Variants in CCDC170 observed in about 807,000 individuals in gnomAD.
The protein encoded by CCDC170 is coiled-coil domain-containing protein 170.
CCDC170 carries 69 observed loss-of-function variants against 72.6 expected under a neutral mutation model. That is an observed-to-expected ratio of 0.95 (90% CI 0.78 to 1.16). The LOEUF (loss-of-function observed/expected upper bound fraction) is 1.16, where lower values mean the gene tolerates loss of function less well. Among genes scored for constraint, CCDC170 ranks in the 50% most tolerant of loss-of-function variants. The probability of loss-of-function intolerance (pLI) is 0.00; values close to 1 mark genes in which losing one functional copy is unlikely to be tolerated. For synonymous variants in CCDC170, 300 were observed against 303.9 expected, an observed-to-expected ratio of 0.99 and a Z score of 0.13; for missense variants, 852 against 832.5, an observed-to-expected ratio of 1.02 and a Z score of -0.29.
chr6:151,502,139 AC>A (rs1233972912), intron 1 of CCDC170, among the ~76,000 whole-genome samples: 1 of 152,160 alleles, frequency 6.6e-6, no homozygotes, highest in African/African-American at 2.4e-5. Context: ...AGGCATGGTG[AC>A]CCATACCTGT....
chr6:151,535,046 G>A (rs1782554622), intron 1 of CCDC170, among the ~76,000 whole-genome samples: 1 of 152,202 alleles, frequency 6.6e-6, no homozygotes, highest in Admixed American at 6.5e-5. Flanking sequence ...CAGGCATATG[G>A]CATGAGTCAG....
chr6:151,616,670 C>G (rs1257261454), intron 10 of CCDC170, among the ~76,000 whole-genome samples: 2 of 152,112 alleles, frequency 1.3e-5, no homozygotes, highest in Admixed American at 1.3e-4. Context: ...GCTGCTGTAA[C>G]AAAGTACCAT....
chr6:151,604,394 G>C (rs1485392106), intron 9 of CCDC170, among the ~76,000 whole-genome samples: 1 of 152,158 alleles, frequency 6.6e-6, no homozygotes, highest in African/African-American at 2.4e-5. Flanking sequence ...GCATGCTCCT[G>C]GGGGTCAGAT....
intron 5 of CCDC170, among the ~76,000 whole-genome samples, chr6:151,558,706 T>C (rs1431636444): frequency 6.6e-6 from 1 of 152,152 alleles, no homozygotes; most frequent in Non-Finnish European, 1.5e-5. Flanking sequence ...ATGGCTATAA[T>C]TATGTGGATT....
chr6:151,535,048 A>G (rs938213551), intron 1 of CCDC170, among the ~76,000 whole-genome samples: 4 of 152,208 alleles, frequency 2.6e-5, no homozygotes, highest in Non-Finnish European at 5.9e-5. Context: ...GGCATATGGC[A>G]TGAGTCAGAT....
intron 5 of CCDC170, among the ~76,000 whole-genome samples, chr6:151,550,036 A>G (rs1782854822): frequency 1.3e-5 from 2 of 152,196 alleles, no homozygotes; most frequent in African/African-American, 4.8e-5. Flanking sequence ...TGAATTGTAA[A>G]CTTTTATTTA....
At chr6:151,595,636 T>C (rs1776609999) in intron 8 of CCDC170, among the ~76,000 whole-genome samples, 3 of 152,064 alleles carry the variant, frequency 2.0e-5, no homozygotes, top group Non-Finnish European at 4.4e-5. Flanking sequence ...GGCAACATGA[T>C]GAAACCCTGT....
chr6:151,527,412 C>T (rs1583010463), intron 1 of CCDC170, among the ~76,000 whole-genome samples: 1 of 152,046 alleles, frequency 6.6e-6, no homozygotes, highest in East Asian at 1.9e-4. Flanking sequence ...CTCTAGTGGG[C>T]CCCAGAAACC....
chr6:151,520,955 T>A (rs537732924), intron 1 of CCDC170, among the ~76,000 whole-genome samples: 2 of 152,234 alleles, frequency 1.3e-5, no homozygotes, highest in Non-Finnish European at 2.9e-5. Flanking sequence ...CTGCATGAAT[T>A]AACTCTTTCT....
intron 5 of CCDC170, among the ~76,000 whole-genome samples, chr6:151,548,903 TTTG>T (rs202081366): frequency 5.8e-5 from 5 of 85,790 alleles, no homozygotes; most frequent in South Asian, 4.5e-4. Flanking sequence ...TGTTTGTTTG[TTTG>T]TTTTTTTTGT....
intron 1 of CCDC170, among the ~76,000 whole-genome samples, chr6:151,496,484 A>G (rs887267349): frequency 6.6e-6 from 1 of 152,220 alleles, no homozygotes; most frequent in Non-Finnish European, 1.5e-5. Context: ...TTAAATGTTC[A>G]GTTTGCAAAA....
intron 9 of CCDC170, among the ~76,000 whole-genome samples, chr6:151,612,806 T>A (rs965565003): frequency 2.6e-5 from 4 of 152,134 alleles, no homozygotes; most frequent in African/African-American, 4.8e-5. Flanking sequence ...TGGTGTCTTT[T>A]ATTCTGTTAC....
chr6:151,539,346 T>A (rs376561442), intron 3 of CCDC170, among the ~76,000 whole-genome samples: 31 of 152,306 alleles, frequency 2.0e-4, no homozygotes, highest in African/African-American at 6.7e-4. Flanking sequence ...CTCATTAAGG[T>A]CATCAGTGAG....
At chr6:151,515,376 A>G (rs1782220089) in intron 1 of CCDC170, among the ~76,000 whole-genome samples, 1 of 152,214 alleles carries the variant, frequency 6.6e-6, no homozygotes, top group East Asian at 1.9e-4. Flanking sequence ...TCTGCCTCCC[A>G]GGTTCAAGCG....
At chr6:151,534,472 A>G (rs1782543875) in intron 1 of CCDC170, among the ~76,000 whole-genome samples, 1 of 152,182 alleles carries the variant, frequency 6.6e-6, no homozygotes, top group African/African-American at 2.4e-5. Flanking sequence ...TGCCATACAT[A>G]CTATAGGTGA....
At chr6:151,550,558 T>C (rs1387467531) in intron 5 of CCDC170, among the ~76,000 whole-genome samples, 2 of 152,214 alleles carry the variant, frequency 1.3e-5, no homozygotes, top group South Asian at 2.1e-4. Flanking sequence ...ACACATTAAC[T>C]CTGTGGAAAG....
chr6:151,615,592 A>C lies in CCDC170; in HGVS notation c.1860A>C (p.Glu620Asp), dbSNP rs371023882. The C allele has an allele frequency of 7.4e-6, 12 of 1,614,152 alleles. No individual in the cohort carries two copies. In the East Asian group the frequency reaches 1.3e-4, roughly 18 times the overall value. ...TTEHEAKENK[E>D]RARNMIEVVT... is the part of the protein sequence containing the mutation. ...AACATGAGGCTAAGGAGAATAAAGA[A>C]AGGGCCAGAAACATGATAGAAGTGG... Residue 620 changes from glutamate (E) to aspartate (D), a missense_variant, in exon 10 of 11, where the codon GAA becomes GAC. Glu to Asp is a conservative substitution (Grantham distance 45). Transcript: ENST00000239374.
At chr6:151,529,713 T>C (rs1244133980) in intron 1 of CCDC170, among the ~76,000 whole-genome samples, 1 of 152,170 alleles carries the variant, frequency 6.6e-6, no homozygotes, top group Non-Finnish European at 1.5e-5. Context: ...CATATCTCTA[T>C]GCACATGTAT....
chr6:151,591,580 C>T (rs868050567), intron 7 of CCDC170, among the ~76,000 whole-genome samples: 7 of 152,022 alleles, frequency 4.6e-5, no homozygotes, highest in Middle Eastern at 3.4e-3. Flanking sequence ...CTATAAGCTC[C>T]GCCTCCCAGG....
Sources: gnomAD v4.1 joint callset for allele counts (sites outside exome capture counted in the v4.1 genomes callset) on GRCh38, gnomAD v4.1.1 for gene constraint, MANE v1.5 for transcripts, NCBI Gene and HGNC (gene_info 2026-07-23, HGNC 2026-07-21) for gene names.